Variants in SUCO observed in about 807,000 individuals in gnomAD.
SUCO encodes SUN domain-containing ossification factor.
A neutral mutation model predicts 148.1 loss-of-function variants in SUCO; 57 were observed. The observed-to-expected ratio is 0.38, with a 90% CI of 0.31 to 0.48. The LOEUF (loss-of-function observed/expected upper bound fraction) is 0.48, where lower values mean the gene tolerates loss of function less well. SUCO is among the 20% of genes least tolerant of loss of function. The pLI is 0.96. For synonymous variants in SUCO, 470 were observed against 502.7 expected, an observed-to-expected ratio of 0.93 and a Z score of 0.87; for missense variants, 1,331 against 1,468.2, an observed-to-expected ratio of 0.91 and a Z score of 1.53.
intron 6 of SUCO, among the ~76,000 whole-genome samples, chr1:172,562,866 T>A (rs777215430): frequency 2.0e-4 from 30 of 152,234 alleles, no homozygotes; most frequent in Admixed American, 1.3e-3. Context: ...AGCGGCCAGA[T>A]GGGAGGTGAT....
chr1:172,568,693 A>T (rs114879970), intron 6 of SUCO, among the ~76,000 whole-genome samples: 75 of 152,278 alleles, frequency 4.9e-4, no homozygotes, highest in African/African-American at 1.8e-3. Flanking sequence ...GATGCATGGC[A>T]AGTATACAAT....
chr1:172,542,802 G>T, intron 1 of SUCO: 8 of 985,412 alleles, frequency 8.1e-6, no homozygotes, highest in Non-Finnish European at 8.4e-6. Context: ...GTAAAGCTCT[G>T]AAAGAAAGGA....
chr1:172,594,962 C>T (rs1443300279), intron 19 of SUCO, among the ~76,000 whole-genome samples: 1 of 152,156 alleles, frequency 6.6e-6, no homozygotes, highest in African/African-American at 2.4e-5. Context: ...AATCTGGGTG[C>T]TCCTGTATTG....
intron 19 of SUCO, among the ~76,000 whole-genome samples, chr1:172,594,195 A>G (rs1457835241): frequency 6.7e-6 from 1 of 150,144 alleles, no homozygotes; most frequent in East Asian, 1.9e-4. Context: ...CTAGTGGTCT[A>G]TCAATTTTGT....
In SUCO at chr1:172,609,855, A is replaced by G. The variant is rs762116688; in HGVS notation, c.3361A>G (p.Ile1121Val). ...CKYKIEKIET[I>V]KPEEPLHPIA... is the part of the protein sequence containing the mutation. The stretch of plus-strand genomic sequence containing the variant: ...GTACAAAATTGAAAAAATTGAGACC[A>G]TAAAGCCTGAAGAACCATTGCACCC... Residue 1121 changes from isoleucine to valine, a missense_variant, in exon 24 of 24, where the codon ATA becomes GTA. Transcript: ENST00000263688. 2 of 1,609,808 alleles carry G rather than the reference A, an allele frequency of 1.2e-6. No homozygotes were observed. Among genetic ancestry groups the G allele is most frequent in the Admixed American group, 1.7e-5 (1 of 59,014 alleles).
chr1:172,570,594 T>C (rs763224564), intron 8 of SUCO, 69 bp from the exon 9 acceptor site: 66 of 1,097,710 alleles, frequency 6.0e-5, no homozygotes, highest in Non-Finnish European at 7.2e-5. Flanking sequence ...CAGAAAACTT[T>C]AAAGTTAAAA....
chr1:172,540,407 G>A (rs937032720), intron 1 of SUCO, among the ~76,000 whole-genome samples: 10 of 150,990 alleles, frequency 6.6e-5, no homozygotes, highest in African/African-American at 2.0e-4. Flanking sequence ...AAAGAAATAC[G>A]CATACCTAGG....
intron 6 of SUCO, among the ~76,000 whole-genome samples, chr1:172,562,641 ATTC>A (rs1292273721): frequency 1.3e-5 from 2 of 152,212 alleles, no homozygotes; most frequent in Non-Finnish European, 2.9e-5. Flanking sequence ...CAGTTAGACC[ATTC>A]TTTAGAAAGT....
chr1:172,584,625 T>A (rs1030777423), intron 15 of SUCO, among the ~76,000 whole-genome samples: 2 of 152,082 alleles, frequency 1.3e-5, no homozygotes, highest in African/African-American at 2.4e-5. Flanking sequence ...TACAAAAAAT[T>A]AGCTGGACGT....
intron 23 of SUCO, chr1:172,609,093 C>G (rs975958574): frequency 3.6e-6 from 1 of 279,646 alleles, no homozygotes; most frequent in African/African-American, 2.3e-5. Flanking sequence ...ACTGTCTGAC[C>G]CTTCACAAAA....
intron 6 of SUCO, chr1:172,568,429 T>C: frequency 1.0e-6 from 1 of 981,614 alleles, no homozygotes; most frequent in East Asian, 1.1e-4. Flanking sequence ...ATGTCATTTA[T>C]GGTTAACCTA....
chr1:172,582,052 G>C (rs1415361753), intron 15 of SUCO, among the ~76,000 whole-genome samples: 1 of 152,108 alleles, frequency 6.6e-6, no homozygotes, highest in Non-Finnish European at 1.5e-5. Context: ...ATATCACTCT[G>C]ATTTTCTTGT....
At chr1:172,598,629 G>A (rs1166047617) in intron 19 of SUCO, among the ~76,000 whole-genome samples, 1 of 152,112 alleles carries the variant, frequency 6.6e-6, no homozygotes, top group Admixed American at 6.5e-5. Context: ...TTTTCTCTTT[G>A]CTGATATGTA....
intron 11 of SUCO, chr1:172,577,055 A>C: frequency 1.3e-6 from 1 of 747,474 alleles, no homozygotes; most frequent in Non-Finnish European, 1.6e-6. Context: ...GTTGTATATA[A>C]TATACAAGTA....
At chr1:172,609,747 C>T in intron 23 of SUCO, 69 bp from the exon 24 acceptor site, 6 of 1,529,194 alleles carry the variant, frequency 3.9e-6, no homozygotes, top group Non-Finnish European at 4.4e-6. Flanking sequence ...ATTAGCTCAG[C>T]TCTCTAGGTG....
At chr1:172,543,570 A>G (rs1430983599) in intron 1 of SUCO, among the ~76,000 whole-genome samples, 1 of 152,184 alleles carries the variant, frequency 6.6e-6, no homozygotes, top group Admixed American at 6.5e-5. Context: ...TGGATCAATG[A>G]AATTATGGGC....
At chr1:172,604,522 T>C (rs905005297) in intron 22 of SUCO, among the ~76,000 whole-genome samples, 1 of 151,934 alleles carries the variant, frequency 6.6e-6, no homozygotes, top group Non-Finnish European at 1.5e-5. Context: ...CTTTTTCTTA[T>C]TGTGATAAAA....
At chr1:172,551,832 T>G in intron 2 of SUCO, 1 of 476,176 alleles carries the variant, frequency 2.1e-6, no homozygotes, top group Non-Finnish European at 3.8e-6. Flanking sequence ...GTATTTGGAA[T>G]TTTGTAACAT....
intron 2 of SUCO, chr1:172,552,046 A>G (rs75413068): frequency 0.066 from 10,096 of 152,342 alleles, 493 homozygotes; most frequent in Middle Eastern, 0.12. Context: ...AAAGACTCCA[A>G]AAAACCTCAT....
Sources: allele counts gnomAD v4.1 joint callset (sites outside exome capture counted in the v4.1 genomes callset), GRCh38; gene constraint gnomAD v4.1.1; transcripts MANE v1.5; gene names NCBI Gene and HGNC (gene_info 2026-07-23, HGNC 2026-07-21).